The following LPP variants were observed in gnomAD, a reference collection of about 807,000 sequenced individuals.
LPP encodes the protein LIM domain containing preferred translocation partner in lipoma.
A neutral mutation model predicts 60.4 loss-of-function variants in LPP; 38 were observed. The ratio of observed to expected loss-of-function variants is 0.63; its 90% CI spans 0.49 to 0.83. LPP has a LOEUF of 0.83. Among genes scored for constraint, LPP ranks in the 40% least tolerant of loss-of-function variants. The pLI is 0.00. For missense variants in LPP, 902 were observed against 783.6 expected, an observed-to-expected ratio of 1.15 and a Z score of -1.80; for synonymous variants, 328 against 290.8, an observed-to-expected ratio of 1.13 and a Z score of -1.30.
chr3:188,375,692 G>A (rs1036193987), intron 3 of LPP, among the ~76,000 whole-genome samples: 8 of 151,742 alleles, frequency 5.3e-5, no homozygotes, highest in African/African-American at 9.7e-5. Flanking sequence ...GGGTTTTTTT[G>A]TGTCTCTATT....
chr3:188,777,530 C>T (rs1463189222), intron 9 of LPP, among the ~76,000 whole-genome samples: 1 of 152,154 alleles, frequency 6.6e-6, no homozygotes, highest in Non-Finnish European at 1.5e-5. Flanking sequence ...TGGGTCTATG[C>T]ACTGTCTTTG....
intron 4 of LPP, among the ~76,000 whole-genome samples, chr3:188,433,495 C>T (rs371733360): frequency 6.8e-6 from 1 of 146,282 alleles, no homozygotes; most frequent in Non-Finnish European, 1.5e-5. Flanking sequence ...GAAAATTACT[C>T]AAACCCAGCC....
chr3:188,248,267 C>T (rs1448203256), intron 2 of LPP, among the ~76,000 whole-genome samples: 6 of 151,740 alleles, frequency 4.0e-5, no homozygotes, highest in East Asian at 3.9e-4. Context: ...AAAGGGTTAG[C>T]GTTTTTTTGC....
chr3:188,750,676 G>T (rs1727788179), intron 8 of LPP, among the ~76,000 whole-genome samples: 2 of 152,108 alleles, frequency 1.3e-5, no homozygotes, highest in South Asian at 2.1e-4. Flanking sequence ...ATCTTGTCCA[G>T]GTTAACACTC....
chr3:188,500,181 G>A (rs569210715), intron 5 of LPP, among the ~76,000 whole-genome samples: 34 of 151,832 alleles, frequency 2.2e-4, no homozygotes, highest in African/African-American at 7.7e-4. Context: ...CCTAATCTTA[G>A]AGGAAAAGCT....
At chr3:188,231,961 T>C (rs1462798340) in intron 2 of LPP, among the ~76,000 whole-genome samples, 2 of 152,196 alleles carry the variant, frequency 1.3e-5, no homozygotes, top group African/African-American at 4.8e-5. Flanking sequence ...GAATAACATT[T>C]GTTTTAGGAA....
intron 9 of LPP, among the ~76,000 whole-genome samples, chr3:188,855,375 A>G (rs1763586915): frequency 6.6e-6 from 1 of 152,226 alleles, no homozygotes; most frequent in African/African-American, 2.4e-5. Flanking sequence ...TGTAAGATGA[A>G]CAATAAGCAT....
At chr3:188,843,841 T>C (rs1400528752) in intron 9 of LPP, among the ~76,000 whole-genome samples, 1 of 151,430 alleles carries the variant, frequency 6.6e-6, no homozygotes, top group Non-Finnish European at 1.5e-5. Context: ...GCCCCTGCAG[T>C]CCCTCTCTTT....
chr3:188,759,219 C>T (rs2150458744), intron 8 of LPP: 1 of 152,296 alleles, frequency 6.6e-6, no homozygotes, highest in Non-Finnish European at 1.5e-5. Flanking sequence ...TTATTTAAAG[C>T]TTACTGCAAA....
intron 2 of LPP, among the ~76,000 whole-genome samples, chr3:188,296,297 A>G (rs1158751894): frequency 1.3e-5 from 2 of 152,176 alleles, no homozygotes; most frequent in Non-Finnish European, 2.9e-5. Flanking sequence ...GATAAAGACA[A>G]AAATGCTTGA....
chr3:188,712,041 G>T (rs1711725145), intron 8 of LPP: 1 of 152,162 alleles, frequency 6.6e-6, no homozygotes, highest in African/African-American at 2.4e-5. Context: ...GGGAAATAAG[G>T]TTCAAGTAGT....
chr3:188,247,666 G>A (rs2149522183), intron 2 of LPP, among the ~76,000 whole-genome samples: 1 of 152,110 alleles, frequency 6.6e-6, no homozygotes, highest in African/African-American at 2.4e-5. Flanking sequence ...GGGCATGGTG[G>A]CACATGCCTG....
intron 4 of LPP, among the ~76,000 whole-genome samples, chr3:188,464,141 T>G (rs534734323): frequency 3.9e-5 from 6 of 152,166 alleles, no homozygotes; most frequent in Non-Finnish European, 8.8e-5. Flanking sequence ...CTACAGTGTT[T>G]AATAGGTTTT....
chr3:188,599,956 T>A (rs1405390201), intron 6 of LPP, among the ~76,000 whole-genome samples: 1 of 152,100 alleles, frequency 6.6e-6, no homozygotes, highest in Non-Finnish European at 1.5e-5. Context: ...CTATTTATCC[T>A]CATTTATAAG....
intron 7 of LPP, among the ~76,000 whole-genome samples, chr3:188,698,639 G>A (rs1282441976): frequency 1.3e-5 from 2 of 152,136 alleles, no homozygotes; most frequent in African/African-American, 2.4e-5. Flanking sequence ...TCTGCGACTC[G>A]CTTTTCTTAC....
chr3:188,765,673 C>T (rs1295375336), intron 9 of LPP, among the ~76,000 whole-genome samples: 1 of 151,774 alleles, frequency 6.6e-6, no homozygotes, highest in Non-Finnish European at 1.5e-5. Flanking sequence ...ATTGCTTGGC[C>T]CATACTAACA....
chr3:188,267,254 G>T (rs1735915831), intron 2 of LPP, among the ~76,000 whole-genome samples: 1 of 152,154 alleles, frequency 6.6e-6, no homozygotes, highest in South Asian at 2.1e-4. Context: ...CTCGCTCACT[G>T]CTGTGCATGC....
intron 7 of LPP, among the ~76,000 whole-genome samples, chr3:188,634,442 G>A (rs1848358341): frequency 6.6e-6 from 1 of 152,192 alleles, no homozygotes; most frequent in Admixed American, 6.5e-5. Context: ...CACAGAGCAG[G>A]GGTGCCCAAC....
rs74372117 is a variant in LPP at position 188,874,054 on chromosome 3, G to C, written c.1711-297G>C. Among the ~76,000 whole-genome samples, 1,116 of 151,564 alleles carry C rather than the reference G, an allele frequency of 7.4e-3. 18 individuals carry two copies. The highest frequency in any genetic ancestry group is 0.026 in the African/African-American group (1,067 of 41,482). On this transcript the variant is annotated intron_variant, in intron 11 of 11. Coordinates refer to ENST00000617246, the MANE Select transcript of LPP (RefSeq NM_001375462.1). The stretch of plus-strand genomic sequence containing the variant: ...GGGGGCAGCAAACTTCTACATGGGA[G>C]CCAAGATGGGTGGCCTCTTCTCTTC...
Sources: allele counts gnomAD v4.1 joint callset (sites outside exome capture counted in the v4.1 genomes callset), GRCh38; gene constraint gnomAD v4.1.1; transcripts MANE v1.5; gene names NCBI Gene and HGNC (gene_info 2026-07-23, HGNC 2026-07-21).